Variants in UBAP1L observed in about 807,000 individuals in gnomAD.
UBAP1L encodes ubiquitin-associated protein 1-like.
Under a neutral mutation model 32.1 loss-of-function variants are expected in UBAP1L, and 32 were observed. The ratio of observed to expected loss-of-function variants is 1.00; its 90% CI spans 0.75 to 1.34. The LOEUF (loss-of-function observed/expected upper bound fraction) is 1.34, where lower values mean the gene tolerates loss of function less well. Ranked by LOEUF, UBAP1L falls within the 40% of genes most tolerant of loss-of-function variation. UBAP1L has a pLI of 0.00. For missense variants in UBAP1L, 516 were observed against 540.5 expected (o/e 0.95, Z 0.45); for synonymous variants, 243 against 250.2 (o/e 0.97, Z 0.27).
In UBAP1L at chr15:65,094,706, G is replaced by A. The variant is rs1479986782; in HGVS notation, c.910-130C>T. 5 of 705,926 alleles carry A rather than the reference G, an allele frequency of 7.1e-6. No homozygotes were observed. The highest frequency in any genetic ancestry group is 3.1e-5 in the South Asian group (2 of 64,288). The allele number at this position is 705,926 out of a possible 1,614,324, so 43.7% of individuals were successfully genotyped here. On this transcript the variant is annotated intron_variant, in intron 4 of 5. Coordinates refer to ENST00000559089, the MANE Select transcript of UBAP1L (RefSeq NM_001163692.2). The surrounding 1 kb of genome is among the most constrained non-coding windows in gnomAD (Gnocchi z 4.2). ...AGGGCAAGCCACCACCTGCAGCGTG[G>A]CCCCAGAGAGCCCGTGAACCCACAG...
chr15:65,111,667 T>A (rs960349691), intron 1 of UBAP1L, among the ~76,000 whole-genome samples: 1 of 148,574 alleles, frequency 6.7e-6, no homozygotes, highest in African/African-American at 2.5e-5. Flanking sequence ...GTATCTGTAG[T>A]AGAGGTGGGG....
At chr15:65,114,186 T>C (rs887168122) in intron 1 of UBAP1L, among the ~76,000 whole-genome samples, 1 of 150,782 alleles carries the variant, frequency 6.6e-6, no homozygotes, top group Non-Finnish European at 1.5e-5. Context: ...GCCCAGCCTT[T>C]TTTTTTTTTT....
intron 2 of UBAP1L, among the ~76,000 whole-genome samples, chr15:65,104,077 C>A (rs2087275335): frequency 1.3e-5 from 2 of 152,016 alleles, no homozygotes; most frequent in Admixed American, 1.3e-4. Flanking sequence ...CATGGCGAAA[C>A]CCCACCTCTA....
chr15:65,106,046 C>T, intron 2 of UBAP1L, 50 bp downstream of exon 2: 1 of 1,544,584 alleles, frequency 6.5e-7, no homozygotes, highest in Non-Finnish European at 8.7e-7. Flanking sequence ...CCCATGGACT[C>T]AGCCCCAGAC....
At chr15:65,107,786 T>C (rs888482555) in intron 1 of UBAP1L, among the ~76,000 whole-genome samples, 1 of 151,078 alleles carries the variant, frequency 6.6e-6, no homozygotes, top group Non-Finnish European at 1.5e-5. Flanking sequence ...TTACCATTTA[T>C]ATTAGTATAG....
At chr15:65,093,809 C>T (rs1384053838) in intron 5 of UBAP1L, among the ~76,000 whole-genome samples, 3 of 152,134 alleles carry the variant, frequency 2.0e-5, no homozygotes, top group African/African-American at 4.8e-5. Flanking sequence ...TTTGGGAGGC[C>T]GAGGCGGGCG....
At chr15:65,107,958 A>C in intron 1 of UBAP1L, among the ~76,000 whole-genome samples, 1 of 152,152 alleles carries the variant, frequency 6.6e-6, no homozygotes, top group East Asian at 1.9e-4. Flanking sequence ...CCATGTATCA[A>C]AATTCCATCA....
intron 1 of UBAP1L, among the ~76,000 whole-genome samples, chr15:65,110,327 C>G (rs1400421463): frequency 1.3e-5 from 2 of 150,898 alleles, no homozygotes; most frequent in Non-Finnish European, 2.9e-5. Context: ...CGACTGCACT[C>G]CAGCCTGGTG....
chr15:65,107,269 C>T (rs2087324197), intron 1 of UBAP1L, among the ~76,000 whole-genome samples: 2 of 150,798 alleles, frequency 1.3e-5, no homozygotes, highest in South Asian at 4.2e-4. Context: ...ATCTCTAACA[C>T]ATCACACAGT....
chr15:65,099,211 A>T (rs921109631), intron 4 of UBAP1L: 1 of 370,382 alleles, frequency 2.7e-6, no homozygotes, highest in African/African-American at 2.1e-5. Flanking sequence ...ATGCTGGGAG[A>T]GCTGGGAGAC....
rs561793984 is a variant in UBAP1L at position 65,093,253 on chromosome 15, G to A, written c.1012-22C>T. ...CTGCCTGAGGAAGAGGAGACAGGGA[G>A]GGTGCTGGGGGCTCTGCTGGGCCTG... On this transcript the variant is annotated intron_variant, in intron 5 of 5. Transcript: ENST00000559089. The A allele has an allele frequency of 1.0e-5, 16 of 1,527,090 alleles. No individual in the cohort carries two copies. The African/African-American group carries it at 2.1e-4, about 20-fold the overall frequency. The allele number at this position is 1,527,090 out of a possible 1,614,324, so 94.6% of individuals were successfully genotyped here.
intron 1 of UBAP1L, 23 bp from the exon 2 acceptor site, chr15:65,106,411 T>C: frequency 4.0e-6 from 2 of 501,140 alleles, no homozygotes; most frequent in Non-Finnish European, 6.7e-6. Context: ...AGGAAATGAA[T>C]AAAAACAAGA....
chr15:65,099,286 C>A, intron 4 of UBAP1L: 1 of 562,814 alleles, frequency 1.8e-6, no homozygotes, highest in Non-Finnish European at 3.2e-6. Flanking sequence ...CCTCAGGTCA[C>A]CCCCTTCCCA....
intron 2 of UBAP1L, 163 bp downstream of exon 2, chr15:65,105,933 G>A (rs1418867864): frequency 1.0e-6 from 1 of 953,964 alleles, no homozygotes; most frequent in African/African-American, 1.7e-5. Context: ...TGGGATTACA[G>A]GCACGCGTCA....
At chr15:65,103,705 C>G (rs1457747226) in intron 2 of UBAP1L, among the ~76,000 whole-genome samples, 1 of 152,122 alleles carries the variant, frequency 6.6e-6, no homozygotes, top group African/African-American at 2.4e-5. Flanking sequence ...CTTCAGGGCC[C>G]AGGGCAGGCC....
In UBAP1L at chr15:65,094,490, C is replaced by A. The variant is rs2087152168; in HGVS notation, c.996G>T (p.Gln332His). The stretch of plus-strand genomic sequence containing the variant: ...CCCTGCTGACCTGGCTCTCGGAGAA[C>A]TGGAACATCTCCATGGCCTCATCCA... ...GLVDEAMEMF[Q>H]FSESQAGEFL... The change falls in exon 5 of 6, where the codon CAG becomes CAT. Residue 332 changes from glutamine to histidine, a missense_variant. Transcript: ENST00000559089. The surrounding 1 kb of genome is among the most constrained non-coding windows in gnomAD (Gnocchi z 4.2). The A allele has an allele frequency of 1.9e-6, 3 of 1,550,820 alleles. No homozygotes were observed. The highest frequency in any genetic ancestry group is 2.7e-5 in the African/African-American group (2 of 73,052).
intron 1 of UBAP1L, among the ~76,000 whole-genome samples, chr15:65,113,250 C>T (rs1595924746): frequency 6.6e-6 from 1 of 152,280 alleles, no homozygotes. Flanking sequence ...CTACTTAAAA[C>T]TCTTCAATGG....
At chr15:65,112,242 A>G (rs558918661) in intron 1 of UBAP1L, among the ~76,000 whole-genome samples, 2 of 152,300 alleles carry the variant, frequency 1.3e-5, no homozygotes, top group East Asian at 3.9e-4. Context: ...TGCTGGACTT[A>G]AGCAGATGGT....
At position 65,102,793 on chromosome 15, in the gene UBAP1L, A is replaced by C; in HGVS notation, c.121-109T>G. ...TCAGCCAGAGACTCTCTAAGCCTGGACAGCGTCAGATTCTGAGCCCCGGGC... is the reference window on the plus strand; with the variant it reads ...TCAGCCAGAGACTCTCTAAGCCTGGCCAGCGTCAGATTCTGAGCCCCGGGC... On this transcript the variant is annotated intron_variant, in intron 2 of 5. Coordinates refer to ENST00000559089, the MANE Select transcript of UBAP1L (RefSeq NM_001163692.2). This position sits in a 1 kb window ranked among gnomAD's most constrained non-coding sequence, Gnocchi z 5.0. The C allele has an allele frequency of 9.7e-7, 1 of 1,026,758 alleles. No individual in the cohort carries two copies. Among genetic ancestry groups the C allele is most frequent in the Non-Finnish European group, 1.4e-6 (1 of 733,392 alleles). The allele number at this position is 1,026,758 out of a possible 1,614,324, so 63.6% of individuals were successfully genotyped here.
Sources: allele counts gnomAD v4.1 joint callset (sites outside exome capture counted in the v4.1 genomes callset), GRCh38; gene constraint gnomAD v4.1.1; non-coding constraint Gnocchi (gnomAD v3.1); transcripts MANE v1.5; gene names NCBI Gene and HGNC (gene_info 2026-07-23, HGNC 2026-07-21).